MTTP: variants seen among roughly 807,000 people sequenced by gnomAD.
MTTP encodes microsomal triglyceride transfer protein, also known as microsomal triglyceride transfer protein large subunit.
In MTTP, 49 loss-of-function variants were observed where a neutral mutation model predicts 90.6. The observed-to-expected ratio is 0.54, with a 90% CI of 0.43 to 0.69. MTTP has a LOEUF of 0.69. MTTP is among the 30% of genes least tolerant of loss of function. MTTP has a pLI of 0.00. For missense variants in MTTP, 945 were observed against 1,067.5 expected (o/e 0.89, Z 1.60); for synonymous variants, 347 against 384.2 (o/e 0.90, Z 1.13).
intron 3 of MTTP, chr4:99,584,265 T>TA (rs1725202619): frequency 6.6e-6 from 1 of 152,016 alleles, no homozygotes; most frequent in Non-Finnish European, 1.5e-5. Flanking sequence ...TTGACATACA[T>TA]AAAAATGTGT....
intron 1 of MTTP, among the ~76,000 whole-genome samples, chr4:99,579,395 C>T (rs1725043111): frequency 2.0e-5 from 3 of 152,110 alleles, no homozygotes; most frequent in Admixed American, 2.0e-4. Flanking sequence ...TCCTCCATTA[C>T]ACCTGCAGGA....
At chr4:99,608,504 GA>G (rs1725873460) in intron 11 of MTTP, among the ~76,000 whole-genome samples, 1 of 152,204 alleles carries the variant, frequency 6.6e-6, no homozygotes, top group African/African-American at 2.4e-5. Context: ...TATGTGGTCT[GA>G]AGTTCACTAC....
chr4:99,622,679 A>T lies in MTTP; in HGVS notation c.2516A>T (p.Gln839Leu), dbSNP rs370156802. The change falls in exon 18 of 18, where the codon CAA becomes CTA. Residue 839 changes from glutamine (Q) to leucine (L), a missense_variant and splice_region_variant. Transcript: ENST00000265517. ...QMDKDEAPFR[Q>L]FEKKYERLST... is the part of the protein sequence containing the mutation. Reference sequence around the variant, plus strand: ...TTATTGTTGCTGTTGTTGTACAGGCAATTTGAGAAAAAGTACGAAAGGCTG... The same window carrying T: ...TTATTGTTGCTGTTGTTGTACAGGCTATTTGAGAAAAAGTACGAAAGGCTG... 5.1e-5 allele frequency: 83 copies of T among 1,613,824 alleles called. 2 individuals are homozygous for T. Among genetic ancestry groups the T allele is most frequent in the South Asian group, 2.2e-4 (20 of 91,072 alleles).
intron 11 of MTTP, 80 bp from the exon 12 acceptor site, chr4:99,608,686 C>T (rs983079696): frequency 1.2e-5 from 13 of 1,095,008 alleles, no homozygotes; most frequent in Non-Finnish European, 1.4e-5. Flanking sequence ...TTTATGAACA[C>T]TCACTATTCC....
chr4:99,568,558 C>A (rs963254548), intron 1 of MTTP, among the ~76,000 whole-genome samples: 1 of 152,082 alleles, frequency 6.6e-6, no homozygotes, highest in African/African-American at 2.4e-5. Context: ...AATGAGCACA[C>A]CTAGTGTCCA....
chr4:99,611,112 G>A (rs1175882332), intron 12 of MTTP, 31 bp from the exon 13 acceptor site: 1 of 1,586,620 alleles, frequency 6.3e-7, no homozygotes, highest in Non-Finnish European at 8.7e-7. Context: ...TACAATGAAT[G>A]TGCAGCTTTT....
intron 3 of MTTP, among the ~76,000 whole-genome samples, chr4:99,587,010 G>T (rs1725273787): frequency 6.6e-6 from 1 of 152,124 alleles, no homozygotes; most frequent in African/African-American, 2.4e-5. Context: ...TGGATGTTCA[G>T]AACTAATTTC....
chr4:99,615,852 A>G (rs1182278847), intron 15 of MTTP, among the ~76,000 whole-genome samples: 3 of 152,250 alleles, frequency 2.0e-5, no homozygotes, highest in African/African-American at 7.2e-5. Context: ...TCTGAGCTAT[A>G]AGAAACACTT....
chr4:99,595,379 GA>G (rs1215118449), intron 7 of MTTP: 1 of 177,164 alleles, frequency 5.6e-6, no homozygotes, highest in African/African-American at 2.4e-5. Flanking sequence ...TCAGAAATGC[GA>G]TATCTCATCC....
chr4:99,597,373 C>A, intron 8 of MTTP, 149 bp downstream of exon 8: 1 of 874,498 alleles, frequency 1.1e-6, no homozygotes, highest in Non-Finnish European at 1.8e-6. Context: ...AAAAGTTATG[C>A]CACAGTGCAG....
At chr4:99,613,662 A>T (rs1726019752) in intron 15 of MTTP, among the ~76,000 whole-genome samples, 1 of 152,218 alleles carries the variant, frequency 6.6e-6, no homozygotes, top group South Asian at 2.1e-4. Context: ...TCATGTATAT[A>T]AAATCTCAGA....
At chr4:99,598,053 C>T (rs1725600673) in intron 8 of MTTP, among the ~76,000 whole-genome samples, 1 of 152,072 alleles carries the variant, frequency 6.6e-6, no homozygotes, top group African/African-American at 2.4e-5. Context: ...AACTGAATTC[C>T]CCAACAGGAG....
intron 5 of MTTP, 28 bp from the exon 6 acceptor site, chr4:99,591,623 T>C (rs1161651766): frequency 6.2e-7 from 1 of 1,603,738 alleles, no homozygotes; most frequent in Admixed American, 1.7e-5. Context: ...TGATTACTTG[T>C]TATAAAGATG....
intron 15 of MTTP, among the ~76,000 whole-genome samples, chr4:99,618,211 C>G (rs1726143522): frequency 6.6e-6 from 1 of 152,056 alleles, no homozygotes; most frequent in South Asian, 2.1e-4. Flanking sequence ...AAATACTATG[C>G]CTTTTTATAT....
intron 11 of MTTP, among the ~76,000 whole-genome samples, chr4:99,608,220 G>A (rs777196156): frequency 6.6e-6 from 1 of 152,148 alleles, no homozygotes; most frequent in East Asian, 1.9e-4. Context: ...GCCGAGGCGG[G>A]TGGATCACGA....
chr4:99,578,123 T>C (rs1004400133), intron 1 of MTTP, among the ~76,000 whole-genome samples: 5 of 152,228 alleles, frequency 3.3e-5, no homozygotes, highest in Admixed American at 6.5e-5. Context: ...AAGCCAGTTA[T>C]CAGTGATTGT....
rs142912946 is a variant in MTTP at position 99,615,509 on chromosome 4, T to A, written c.2217+2369T>A. Among the ~76,000 whole-genome samples the A allele has an allele frequency of 3.5e-4, 54 of 152,322 alleles. 1 individual carries two copies. The East Asian group carries it at 8.5e-3, about 24-fold the overall frequency. The stretch of plus-strand genomic sequence containing the variant: ...TGTCTGTGTGTCAGGTTGGAGTATT[T>A]GGCAGATCTGAGGTTATTATACAAA... On this transcript the variant is annotated intron_variant, in intron 15 of 17. Coordinates refer to ENST00000265517, the MANE Select transcript of MTTP (RefSeq NM_001386140.1).
At chr4:99,579,745 CTT>C (rs1388670246) in intron 1 of MTTP, among the ~76,000 whole-genome samples, 1 of 151,912 alleles carries the variant, frequency 6.6e-6, no homozygotes, top group Non-Finnish European at 1.5e-5. Flanking sequence ...AAGGTAGAAA[CTT>C]TGTCTGCTGG....
At chr4:99,579,661 C>G (rs577322362) in intron 1 of MTTP, among the ~76,000 whole-genome samples, 1 of 152,066 alleles carries the variant, frequency 6.6e-6, no homozygotes, top group Non-Finnish European at 1.5e-5. Context: ...TGCCCTTCTC[C>G]ATCGCATTTA....
Sources: allele counts gnomAD v4.1 joint callset (sites outside exome capture counted in the v4.1 genomes callset), GRCh38; gene constraint gnomAD v4.1.1; transcripts MANE v1.5; gene names NCBI Gene and HGNC (gene_info 2026-07-23, HGNC 2026-07-21).